Variants in P2RY4 observed in about 807,000 individuals in gnomAD.
P2RY4 encodes the protein P2Y purinoceptor 4.
For synonymous variants in P2RY4, 121 were observed against 131.6 expected (o/e 0.92, Z 0.55); for missense variants, 291 against 308.5 (o/e 0.94, Z 0.42).
At position 70,258,748 on chromosome X, in the gene P2RY4, G is replaced by A. The variant is rs143964585; in HGVS notation, c.877C>T (p.Pro293Ser). 9.9e-6 allele frequency: 12 copies of A among 1,210,626 alleles called. No individual in the cohort carries two copies. Among genetic ancestry groups the A allele is most frequent in the Middle Eastern group, 2.3e-4 (1 of 4,353 alleles). Residue 293 changes from proline to serine, a missense_variant, in exon 1 of 1, where the codon CCC (proline) becomes TCC (serine). Pro to Ser is a moderately conservative substitution (Grantham distance 74). Coordinates refer to ENST00000374519, the MANE Select transcript of P2RY4 (RefSeq NM_002565.4). ...AGGCAGCTGTTGGCACTGGCCAGGG[G>A]CCGAGTCACTTTATAGACCACGTTG... Reference protein sequence around the residue: ...IVNVVYKVTRPLASANSCLDP... With the variant: ...IVNVVYKVTRSLASANSCLDP...
Position 70,259,708 on chromosome X carries a change from G to T in P2RY4, c.-84C>A. 1.1e-6 allele frequency: 1 copy of T among 919,566 alleles called. No individual in the cohort carries two copies. The allele number at this position is 919,566 out of a possible 1,213,427, so 75.8% of individuals were successfully genotyped here. A position where few individuals can be genotyped will look rare whatever the true frequency, so the allele number is the denominator to read the frequency against. On this transcript the variant is annotated 5_prime_UTR_variant, in exon 1 of 1. It introduces an in-frame stop codon into an upstream open reading frame of the 5' UTR. Transcript: ENST00000374519. The stretch of plus-strand genomic sequence containing the variant: ...CCATCCCTGAGCTGGAGCAAAAAAA[G>T]TAGAGCAGGGAGAGCAGTGGTTGAA...
In P2RY4 at chrX:70,259,007, C is replaced by A. The variant is rs146198250; in HGVS notation, c.618G>T (p.Gly206=). 3.1e-5 allele frequency: 38 copies of A among 1,210,361 alleles called. No homozygotes were observed. The African/African-American group carries it at 6.1e-4, about 19-fold the overall frequency. The part of the protein sequence containing the change: ...HYVHFSSAVM[G]LLFGVPCLVT... ...CCAGGCAGGGCACGCCAAAGAGCAG[C>A]CCCATGACCGCCGAGCTGAAGTGCA... The change falls in exon 1 of 1, where the codon GGG becomes GGT. Residue 206 remains glycine, a synonymous_variant. Transcript: ENST00000374519.
chrX:70,258,611 C>A lies in P2RY4; in HGVS notation c.1014G>T (p.Val338=), dbSNP rs1412676163. The change falls in exon 1 of 1, where the codon GTG becomes GTT. Residue 338 remains valine (V), a synonymous_variant. Transcript: ENST00000374519. ...TGCAGCTGCTATCCTCAGGCAGGGACACTAGTGCCAGGGAAGAGGCAGCCG... is the reference window on the plus strand; with the variant it reads ...TGCAGCTGCTATCCTCAGGCAGGGAAACTAGTGCCAGGGAAGAGGCAGCCG... ...PRTAASSLAL[V]SLPEDSSCRW... The A allele has an allele frequency of 2.1e-5, 25 of 1,210,608 alleles. No individual in the cohort carries two copies. The highest frequency in any genetic ancestry group is 2.7e-5 in the Non-Finnish European group (24 of 895,199).
Position 70,259,020 on chromosome X carries a change from G to A in P2RY4, c.605C>T (p.Ser202Leu), listed in dbSNP as rs764263536. ...GCCAAAGAGCAGCCCCATGACCGCC[G>A]AGCTGAAGTGCACATAGTGGTCAAA... is the stretch of plus-strand genomic sequence containing the variant. ...EEFDHYVHFS[S>L]AVMGLLFGVP... The change falls in exon 1 of 1, where the codon TCG (serine) becomes TTG (leucine). Residue 202 changes from serine (S) to leucine (L), a missense_variant. Physicochemically the swap from Ser to Leu is moderately radical, Grantham distance 145. Transcript: ENST00000374519. 4.1e-6 allele frequency: 5 copies of A among 1,210,223 alleles called. No individual in the cohort carries two copies. The South Asian group carries it at 7.0e-5, about 17-fold the overall frequency.
rs147051713 is a variant in P2RY4 at position 70,258,639 on chromosome X, C to T, written c.986G>A (p.Arg329His). 34 of 1,210,598 alleles carry T rather than the reference C, an allele frequency of 2.8e-5. No individual in the cohort carries two copies. The African/African-American group carries it at 3.1e-4, about 11-fold the overall frequency. ...TAGTGCCAGGGAAGAGGCAGCCGTG[C>T]GGGGCTGGGGCTTGCCACCACCACA... ...QLCGGGKPQP[R>H]TAASSLALVS... is the part of the protein sequence containing the mutation. Residue 329 changes from arginine (R) to histidine (H), a missense_variant, in exon 1 of 1, where the codon CGC becomes CAC. Coordinates refer to ENST00000374519, the MANE Select transcript of P2RY4 (RefSeq NM_002565.4).
In P2RY4 at chrX:70,259,558, C is replaced by T. The variant is rs772873619; in HGVS notation, c.67G>A (p.Val23Met). 1 of 1,207,184 alleles carries T rather than the reference C, an allele frequency of 8.3e-7. No individual in the cohort carries two copies. The highest frequency in any genetic ancestry group is 1.1e-6 in the Non-Finnish European group (1 of 892,804). ...GLSPGPGSSE[V>M]ELDCWFDEDF... The stretch of plus-strand genomic sequence containing the variant: ...TCATCAAACCAACAGTCCAGCTCCA[C>T]CTCACTGCTGCCAGGACCTGGGCTG... Residue 23 changes from valine to methionine, a missense_variant, in exon 1 of 1, where the codon GTG becomes ATG. By Grantham distance (21) the Val-to-Met change is conservative (BLOSUM62 1). Transcript: ENST00000374519.
Position 70,259,787 on chromosome X carries a change from C to T in P2RY4, c.-163G>A, listed in dbSNP as rs986739390. On this transcript the variant is annotated 5_prime_UTR_variant, in exon 1 of 1. Coordinates refer to ENST00000374519, the MANE Select transcript of P2RY4 (RefSeq NM_002565.4). ...CTGGGTGCACTCAGGCTAGCCTGGCCCCTACCCAAGCTCCCTTGGTCCAGC... is the reference window on the plus strand; with the variant it reads ...CTGGGTGCACTCAGGCTAGCCTGGCTCCTACCCAAGCTCCCTTGGTCCAGC... 8 of 511,780 alleles carry T rather than the reference C, an allele frequency of 1.6e-5. No homozygotes were observed. The highest frequency in any genetic ancestry group is 4.8e-5 in the African/African-American group (2 of 41,919). The allele number at this position is 511,780 out of a possible 1,213,427, so 42.2% of individuals were successfully genotyped here.
chrX:70,259,863 T>C lies in P2RY4; in HGVS notation c.-239A>G. The C allele has an allele frequency of 2.4e-6, 1 of 419,420 alleles. No homozygotes were observed. Among genetic ancestry groups the C allele is most frequent in the East Asian group, 4.0e-5 (1 of 25,205 alleles). The allele number at this position is 419,420 out of a possible 1,213,427, so 34.6% of individuals were successfully genotyped here. A position where few individuals can be genotyped will look rare whatever the true frequency, so the allele number is the denominator to read the frequency against. On this transcript the variant is annotated 5_prime_UTR_variant, in exon 1 of 1. Coordinates refer to ENST00000374519, the MANE Select transcript of P2RY4 (RefSeq NM_002565.4). Reference sequence around the variant, plus strand: ...TGCTGGGGCTCAGGCAGGCAGCCCGTGTATTTGGGTTGTACTCACTCTGCA... The same window carrying C: ...TGCTGGGGCTCAGGCAGGCAGCCCGCGTATTTGGGTTGTACTCACTCTGCA...
Position 70,258,567 on chromosome X carries a change from TG to T in P2RY4, c.1057del (p.Gln353ArgfsTer31), listed in dbSNP as rs1569216940. The T allele has an allele frequency of 1.7e-6, 2 of 1,206,643 alleles. No homozygotes were observed. Among genetic ancestry groups the T allele is most frequent in the Admixed American group, 2.2e-5 (1 of 45,692 alleles). ...DSSCRWAATP[Q>X]DSSCSTPRAD... ...CCTAGGAGTAGAGCAGCTACTGTCC[TG>T]GGGGGTGGCCGCCCACCTGCAGCTG... On this transcript the variant is annotated frameshift_variant, in exon 1 of 1. Transcript: ENST00000374519. LOFTEE classifies it low-confidence loss of function (END_TRUNC).
rs763829949 is a variant in P2RY4, at chrX:70,259,133, G to A, written c.492C>T (p.Ala164=). 7 of 1,210,857 alleles carry A rather than the reference G, an allele frequency of 5.8e-6. No homozygotes were observed. The South Asian group carries it at 7.0e-5, about 12-fold the overall frequency. ...LLCLAVWLVV[A]GCLVPNLFFV... ...AGAACAGGTTGGGCACGAGGCAGCC[G>A]GCTACGACCAACCAAACTGCCAGGC... Residue 164 remains alanine, a synonymous_variant, in exon 1 of 1, where the codon GCC becomes GCT. Transcript: ENST00000374519.
chrX:70,259,971 C>G lies in P2RY4; in HGVS notation c.-347G>C, dbSNP rs1208536358. Reference sequence around the variant, plus strand: ...ATCCAAAGTGGGAAGATACCCAGACCCAAAGTGTCTTCTGACTCGTCATCA... The same window carrying G: ...ATCCAAAGTGGGAAGATACCCAGACGCAAAGTGTCTTCTGACTCGTCATCA... On this transcript the variant is annotated 5_prime_UTR_variant, in exon 1 of 1. Transcript: ENST00000374519. Among the ~76,000 whole-genome samples, 1 of 112,452 alleles carries G rather than the reference C, an allele frequency of 8.9e-6. No individual in the cohort carries two copies. Among genetic ancestry groups the G allele is most frequent in the Non-Finnish European group, 1.9e-5 (1 of 53,211 alleles).
chrX:70,258,300 C>G lies in P2RY4; in HGVS notation c.*227G>C, dbSNP rs757294023. The G allele has an allele frequency of 2.8e-6, 1 of 361,024 alleles. No homozygotes were observed. Among genetic ancestry groups the G allele is most frequent in the East Asian group, 4.3e-5 (1 of 23,444 alleles). 29.8% of individuals were successfully genotyped at this position (361,024 alleles called of 1,213,427 possible). A position where few individuals can be genotyped will look rare whatever the true frequency, so the allele number is the denominator to read the frequency against. ...TGGCCCCAGGAAGGAACAGAAACAA[C>G]GAGAAAGGAGTAGAAGATTGGCATT... On this transcript the variant is annotated 3_prime_UTR_variant, in exon 1 of 1. Transcript: ENST00000374519.
rs1173022567 is a variant in P2RY4 at position 70,259,403 on chromosome X, C to T, written c.222G>A (p.Met74Ile). ...LRPWDATATY[M>I]FHLALSDTLY... ...AGGTGTCTGACAATGCCAGGTGGAA[C>T]ATGTAGGTGGCCGTTGCATCCCAGG... The change falls in exon 1 of 1, where the codon ATG becomes ATA. Residue 74 changes from methionine (M) to isoleucine (I), a missense_variant. Physicochemically the swap from Met to Ile is conservative, Grantham distance 10 (BLOSUM62 1). Transcript: ENST00000374519. The T allele has an allele frequency of 8.3e-7, 1 of 1,211,843 alleles. No individual in the cohort carries two copies. Among genetic ancestry groups the T allele is most frequent in the Middle Eastern group, 2.3e-4 (1 of 4,351 alleles).
rs771836244 is a variant in P2RY4, at chrX:70,258,907, G to A, written c.718C>T (p.Arg240Cys). ...PLPGSAQSSS[R>C]LRSLRTIAVV... ...GCTATGGTGCGGAGAGAGCGGAGGC[G>A]AGAAGACGACTGTGCAGAGCCTGGC... is the stretch of plus-strand genomic sequence containing the variant. The change falls in exon 1 of 1, where the codon CGC (arginine) becomes TGC (cysteine). Residue 240 changes from arginine (R) to cysteine (C), a missense_variant. Physicochemically the swap from Arg to Cys is radical, Grantham distance 180. Coordinates refer to ENST00000374519, the MANE Select transcript of P2RY4 (RefSeq NM_002565.4). 1.9e-5 allele frequency: 23 copies of A among 1,209,971 alleles called. No individual in the cohort carries two copies. Among genetic ancestry groups the A allele is most frequent in the Non-Finnish European group, 2.6e-5 (23 of 895,106 alleles).
chrX:70,259,536 T>A lies in P2RY4; in HGVS notation c.89A>T (p.Asp30Val), dbSNP rs1466076845. ...SSEVELDCWF[D>V]EDFKFILLPV... Reference sequence around the variant, plus strand: ...CAGCAGGATGAACTTGAAATCCTCATCAAACCAACAGTCCAGCTCCACCTC... The same window carrying A: ...CAGCAGGATGAACTTGAAATCCTCAACAAACCAACAGTCCAGCTCCACCTC... The change falls in exon 1 of 1, where the codon GAT becomes GTT. Residue 30 changes from aspartate (D) to valine (V), a missense_variant. Asp to Val is a radical substitution (Grantham distance 152, BLOSUM62 -3). Coordinates refer to ENST00000374519, the MANE Select transcript of P2RY4 (RefSeq NM_002565.4). 2 of 1,208,181 alleles carry A rather than the reference T, an allele frequency of 1.7e-6. No individual in the cohort carries two copies. Among genetic ancestry groups the A allele is most frequent in the Non-Finnish European group, 2.2e-6 (2 of 894,061 alleles).
At position 70,259,605 on chromosome X, in the gene P2RY4, G is replaced by A. The variant is rs758352422; in HGVS notation, c.20C>T (p.Ser7Phe). ...GCTGAGGCCTAGGGATCTCAACAGG[G>A]AGGACTCTGTACTGGCCATGGCCCC... is the stretch of plus-strand genomic sequence containing the variant. MASTES[S>F]LLRSLGLSPG... Residue 7 changes from serine (S) to phenylalanine (F), a missense_variant, in exon 1 of 1, where the codon TCC (serine) becomes TTC (phenylalanine). Ser to Phe is a radical substitution (Grantham distance 155, BLOSUM62 -2). Coordinates refer to ENST00000374519, the MANE Select transcript of P2RY4 (RefSeq NM_002565.4). 1 of 1,201,283 alleles carries A rather than the reference G, an allele frequency of 8.3e-7. No homozygotes were observed. Among genetic ancestry groups the A allele is most frequent in the South Asian group, 1.8e-5 (1 of 54,644 alleles).
Position 70,258,776 on chromosome X carries a change from A to C in P2RY4, c.849T>G (p.Ile283Met), listed in dbSNP as rs368304042. The part of the protein sequence containing the change: ...LLEADCRVLN[I>M]VNVVYKVTRP... ...GAGTCACTTTATAGACCACGTTGAC[A>C]ATGTTCAGTACTCGGCAGTCAGCTT... Residue 283 changes from isoleucine to methionine, a missense_variant, in exon 1 of 1, where the codon ATT becomes ATG. Coordinates refer to ENST00000374519, the MANE Select transcript of P2RY4 (RefSeq NM_002565.4). The C allele has an allele frequency of 6.8e-5, 82 of 1,210,931 alleles. No homozygotes were observed. In the East Asian group the frequency reaches 2.0e-3, roughly 29 times the overall value.
rs758012434 is a variant in P2RY4, at chrX:70,258,968, G to C, written c.657C>G (p.Cys219Trp). The change falls in exon 1 of 1, where the codon TGC becomes TGG. Residue 219 changes from cysteine (C) to tryptophan (W), a missense_variant. By Grantham distance (215) the Cys-to-Trp change is radical. Transcript: ENST00000374519. The part of the protein sequence containing the change: ...FGVPCLVTLV[C>W]YGLMARRLYQ... ...ACAGGCGACGAGCCATGAGTCCATAGCAAACAAGAGTGACCAGGCAGGGCA... is the reference window on the plus strand; with the variant it reads ...ACAGGCGACGAGCCATGAGTCCATACCAAACAAGAGTGACCAGGCAGGGCA... 115 of 1,210,145 alleles carry C rather than the reference G, an allele frequency of 9.5e-5. No homozygotes were observed. The highest frequency in any genetic ancestry group is 1.2e-4 in the Non-Finnish European group (109 of 895,061).
rs2085583224 is a variant in P2RY4 at position 70,259,065 on chromosome X, T to C, written c.560A>G (p.Asp187Gly). 8.3e-7 allele frequency: 1 copy of C among 1,210,126 alleles called. No homozygotes were observed. The highest frequency in any genetic ancestry group is 1.8e-5 in the South Asian group (1 of 56,819). The stretch of plus-strand genomic sequence containing the variant: ...GTCAAACTCTTCAGGCCGAGTGGTG[T>C]CATGGCACAGGACGGTGGTCCCTTT... ...SNKGTTVLCH[D>G]TTRPEEFDHY... Residue 187 changes from aspartate to glycine, a missense_variant, in exon 1 of 1, where the codon GAC becomes GGC. Physicochemically the swap from Asp to Gly is moderately conservative, Grantham distance 94 (BLOSUM62 -1). Coordinates refer to ENST00000374519, the MANE Select transcript of P2RY4 (RefSeq NM_002565.4).
Sources: allele counts gnomAD v4.1 joint callset (sites outside exome capture counted in the v4.1 genomes callset), GRCh38; gene constraint gnomAD v4.1.1; transcripts MANE v1.5; gene names NCBI Gene and HGNC (gene_info 2026-07-23, HGNC 2026-07-21).